The following JAZF1 variants were observed in gnomAD, a reference collection of about 807,000 sequenced individuals.
The protein encoded by JAZF1 is JAZF zinc finger 1, also known as juxtaposed with another zinc finger protein 1.
A neutral mutation model predicts 26.4 loss-of-function variants in JAZF1; 8 were observed. The observed-to-expected ratio is 0.30, with a 90% confidence interval of 0.18 to 0.55. JAZF1 has a LOEUF of 0.55. JAZF1 is among the 20% of genes least tolerant of loss of function. The pLI, the probability that JAZF1 is intolerant of heterozygous loss-of-function variation, is 0.94. For synonymous variants in JAZF1, 126 were observed against 122.3 expected, an observed-to-expected ratio of 1.03 and a Z score of -0.20; for missense variants, 199 against 322.0, an observed-to-expected ratio of 0.62 and a Z score of 2.92.
intron 3 of JAZF1, among the ~76,000 whole-genome samples, chr7:27,888,078 C>A (rs1783900461): frequency 6.6e-6 from 1 of 152,182 alleles, no homozygotes; most frequent in African/African-American, 2.4e-5. Context: ...ATAGCAACAT[C>A]TTCTCATTCT....
At chr7:27,999,619 T>C (rs1174500355) in intron 1 of JAZF1, among the ~76,000 whole-genome samples, 1 of 152,210 alleles carries the variant, frequency 6.6e-6, no homozygotes, top group Non-Finnish European at 1.5e-5. Flanking sequence ...TTGTACCATA[T>C]ATATTTGCAA....
intron 1 of JAZF1, among the ~76,000 whole-genome samples, chr7:28,004,765 G>C (rs1366505909): frequency 6.6e-6 from 1 of 152,070 alleles, no homozygotes; most frequent in Non-Finnish European, 1.5e-5. Flanking sequence ...TGATTCTCGT[G>C]CCTTGGTCTC....
At chr7:27,837,199 A>C (rs928005424) in intron 4 of JAZF1, among the ~76,000 whole-genome samples, 4 of 152,248 alleles carry the variant, frequency 2.6e-5, no homozygotes, top group African/African-American at 9.6e-5. Context: ...AAAATGCCTT[A>C]ATCCTCACCA....
intron 1 of JAZF1, among the ~76,000 whole-genome samples, chr7:28,033,751 G>A (rs529214159): frequency 6.6e-6 from 1 of 151,126 alleles, no homozygotes; most frequent in Admixed American, 6.6e-5. Context: ...ACTCTTTTTT[G>A]GGGGGGCAAT....
At chr7:28,074,116 T>TG (rs957118501) in intron 1 of JAZF1, among the ~76,000 whole-genome samples, 2 of 152,238 alleles carry the variant, frequency 1.3e-5, no homozygotes, top group African/African-American at 4.8e-5. Flanking sequence ...TCTACCTATG[T>TG]GTTCCTACTT....
chr7:28,076,302 G>A (rs1216819759), intron 1 of JAZF1, among the ~76,000 whole-genome samples: 1 of 152,146 alleles, frequency 6.6e-6, no homozygotes, highest in Non-Finnish European at 1.5e-5. Flanking sequence ...GATATCCAAG[G>A]TTCAGAAACA....
chr7:27,975,794 C>T (rs544344639), intron 2 of JAZF1, among the ~76,000 whole-genome samples: 1 of 152,234 alleles, frequency 6.6e-6, no homozygotes, highest in Non-Finnish European at 1.5e-5. Flanking sequence ...GATGAGTGGA[C>T]ATAAAGATTT....
chr7:28,037,935 T>C (rs1321974942), intron 1 of JAZF1, among the ~76,000 whole-genome samples: 3 of 152,240 alleles, frequency 2.0e-5, no homozygotes, highest in African/African-American at 7.2e-5. Flanking sequence ...TTCTCTACTC[T>C]AGTCACATGT....
intron 1 of JAZF1, among the ~76,000 whole-genome samples, chr7:28,103,603 A>G (rs1057280107): frequency 6.6e-6 from 1 of 152,146 alleles, no homozygotes; most frequent in African/African-American, 2.4e-5. Flanking sequence ...GCGAATGCCA[A>G]CCAAATCCTT....
intron 1 of JAZF1, among the ~76,000 whole-genome samples, chr7:28,004,454 C>T (rs1782665683): frequency 6.6e-6 from 1 of 151,668 alleles, no homozygotes; most frequent in African/African-American, 2.4e-5. Context: ...TTCTAATATG[C>T]AGTCAGGGTT....
intron 4 of JAZF1, among the ~76,000 whole-genome samples, chr7:27,834,274 T>C (rs1035189532): frequency 1.3e-5 from 2 of 152,208 alleles, no homozygotes; most frequent in Non-Finnish European, 2.9e-5. Context: ...GCCTCACTAG[T>C]CTGGAAGAAG....
chr7:27,990,445 A>C (rs557109116), intron 2 of JAZF1, among the ~76,000 whole-genome samples: 18 of 152,072 alleles, frequency 1.2e-4, no homozygotes, highest in Non-Finnish European at 2.4e-4. Context: ...AAAAAAAAGG[A>C]ACTCCTATAT....
intron 1 of JAZF1, among the ~76,000 whole-genome samples, chr7:28,005,982 A>G (rs1474706241): frequency 6.6e-6 from 1 of 152,196 alleles, no homozygotes; most frequent in East Asian, 1.9e-4. Context: ...GTTTCTCAGC[A>G]GATAAAGATG....
chr7:27,855,488 A>G (rs1343844383), intron 3 of JAZF1, among the ~76,000 whole-genome samples: 2 of 152,206 alleles, frequency 1.3e-5, no homozygotes, highest in Non-Finnish European at 2.9e-5. Flanking sequence ...ATAAGAAAAG[A>G]GAGAAGAATC....
Position 27,989,138 on chromosome 7 carries a change from A to G in JAZF1, c.188+2771T>C, listed in dbSNP as rs6952340. On this transcript the variant is annotated intron_variant, in intron 2 of 4. Coordinates refer to ENST00000283928, the MANE Select transcript of JAZF1 (RefSeq NM_175061.4). Reference sequence around the variant, plus strand: ...AGAGCCCTCAGAAATAATACCACACATCTACAACCATCTGATCTTTGACAA... The same window carrying G: ...AGAGCCCTCAGAAATAATACCACACGTCTACAACCATCTGATCTTTGACAA... 4.8e-3 allele frequency among the ~76,000 whole-genome samples: 725 copies of G among 152,226 alleles called. 9 individuals are homozygous for G. The highest frequency in any genetic ancestry group is 0.017 in the African/African-American group (686 of 41,532).
chr7:28,092,726 G>A (rs1284639989), intron 1 of JAZF1, among the ~76,000 whole-genome samples: 1 of 151,850 alleles, frequency 6.6e-6, no homozygotes, highest in Non-Finnish European at 1.5e-5. Flanking sequence ...TGAGTGTAGT[G>A]ACTTGTGCCT....
At chr7:28,172,858 A>G (rs149191596) in intron 1 of JAZF1, among the ~76,000 whole-genome samples, 197 of 152,326 alleles carry the variant, frequency 1.3e-3, no homozygotes, top group Admixed American at 2.5e-3. Flanking sequence ...AACTGCATAA[A>G]TACATCCCAC....
At chr7:27,900,471 G>GGGTGTGGC (rs1562523516) in intron 2 of JAZF1, among the ~76,000 whole-genome samples, 1 of 152,138 alleles carries the variant, frequency 6.6e-6, no homozygotes, top group Non-Finnish European at 1.5e-5. Flanking sequence ...TCTGTGTTCA[G>GGGTGTGGC]TAACATGTGG....
intron 1 of JAZF1, among the ~76,000 whole-genome samples, chr7:28,099,536 G>T (rs2127926513): frequency 6.6e-6 from 1 of 152,210 alleles, no homozygotes; most frequent in South Asian, 2.1e-4. Context: ...GAATGCAATG[G>T]AGCGATCTCG....
Sources: allele counts gnomAD v4.1 joint callset (sites outside exome capture counted in the v4.1 genomes callset), GRCh38; gene constraint gnomAD v4.1.1; transcripts MANE v1.5; gene names NCBI Gene and HGNC (gene_info 2026-07-23, HGNC 2026-07-21).